ANXA3: variants seen among roughly 807,000 people sequenced by gnomAD.
The protein encoded by ANXA3 is 35-alpha calcimedin.
In ANXA3, 46 loss-of-function variants were observed where a neutral mutation model predicts 48.8. That is an observed-to-expected ratio of 0.94 (90% CI 0.74 to 1.21). ANXA3 has a LOEUF of 1.21. ANXA3 is among the 50% of genes most tolerant of loss of function. The pLI, the probability that ANXA3 is intolerant of heterozygous loss-of-function variation, is 0.00. For synonymous variants in ANXA3, 128 were observed against 134.7 expected, an observed-to-expected ratio of 0.95 and a Z score of 0.35; for missense variants, 383 against 378.6, an observed-to-expected ratio of 1.01 and a Z score of -0.10.
chr4:78,603,083 C>T (rs1723577263), intron 11 of ANXA3: 1 of 152,326 alleles, frequency 6.6e-6, no homozygotes, highest in Admixed American at 6.5e-5. Context: ...TTCAGTCACT[C>T]TCCATGCCAT....
intron 2 of ANXA3, among the ~76,000 whole-genome samples, chr4:78,564,206 C>T (rs1722683018): frequency 6.6e-6 from 1 of 152,188 alleles, no homozygotes; most frequent in African/African-American, 2.4e-5. Context: ...CAGAGAAACC[C>T]TGAGCGCTTG....
Position 78,600,748 on chromosome 4 carries a change from C to T in ANXA3, c.731-762C>T, listed in dbSNP as rs77460612. ...CATTCACTTTTGGTTGGATTCCTACCTAGAGATCAGATTTAAGATTATAAA... is the reference window on the plus strand; with the variant it reads ...CATTCACTTTTGGTTGGATTCCTACTTAGAGATCAGATTTAAGATTATAAA... On this transcript the variant is annotated intron_variant, in intron 10 of 12. Coordinates refer to ENST00000264908, the MANE Select transcript of ANXA3 (RefSeq NM_005139.3). Among the ~76,000 whole-genome samples, 3 of 152,200 alleles carry T rather than the reference C, an allele frequency of 2.0e-5. No homozygotes were observed. The East Asian group carries it at 5.8e-4, about 29-fold the overall frequency.
In ANXA3 at chr4:78,610,325, A is replaced by G. The variant is rs1723733841; in HGVS notation, c.*210A>G. ...GTAGCAGCTCATAAATGAAATTGAAAATGGTATTAAAGATCTGCAACTACT... is the reference window on the plus strand; with the variant it reads ...GTAGCAGCTCATAAATGAAATTGAAGATGGTATTAAAGATCTGCAACTACT... On this transcript the variant is annotated 3_prime_UTR_variant, in exon 13 of 13. Transcript: ENST00000264908. The G allele has an allele frequency of 5.3e-6, 2 of 376,590 alleles. No individual in the cohort carries two copies. Among genetic ancestry groups the G allele is most frequent in the Non-Finnish European group, 9.5e-6 (2 of 209,970 alleles). The allele number at this position is 376,590 out of a possible 1,614,324, so 23.3% of individuals were successfully genotyped here.
intron 5 of ANXA3, among the ~76,000 whole-genome samples, chr4:78,584,784 T>A (rs6813286): frequency 0.046 from 7,051 of 152,296 alleles, 499 homozygotes; most frequent in African/African-American, 0.15. Flanking sequence ...GAGATTTATT[T>A]TGAGAAACAC....
intron 2 of ANXA3, 179 bp from the exon 3 acceptor site, chr4:78,573,001 A>G (rs1722870309): frequency 1.4e-6 from 1 of 718,356 alleles, no homozygotes; most frequent in Admixed American, 1.8e-5. Flanking sequence ...CAACCATGTC[A>G]GATTTCTCTT....
intron 11 of ANXA3, chr4:78,602,257 AAG>A (rs1553901573): frequency 2.6e-5 from 4 of 151,718 alleles, no homozygotes; most frequent in African/African-American, 9.7e-5. Flanking sequence ...AAAAAAAAAA[AAG>A]AAAATGAGAA....
chr4:78,553,625 G>C (rs918998070), intron 1 of ANXA3, among the ~76,000 whole-genome samples: 6 of 152,226 alleles, frequency 3.9e-5, no homozygotes, highest in Admixed American at 2.6e-4. Context: ...GAGAGATGCA[G>C]TATTAGACTC....
At chr4:78,561,042 T>C (rs113103836) in intron 2 of ANXA3, among the ~76,000 whole-genome samples, 1 of 152,218 alleles carries the variant, frequency 6.6e-6, no homozygotes, top group South Asian at 2.1e-4. Flanking sequence ...GTGGGAAAAA[T>C]AGGAAAATGA....
At position 78,610,184 on chromosome 4, in the gene ANXA3, C is replaced by T. The variant is rs1723730354; in HGVS notation, c.*69C>T. 7 of 1,140,864 alleles carry T rather than the reference C, an allele frequency of 6.1e-6. No individual in the cohort carries two copies. The highest frequency in any genetic ancestry group is 7.7e-6 in the Non-Finnish European group (6 of 777,300). The allele number at this position is 1,140,864 out of a possible 1,614,324, so 70.7% of individuals were successfully genotyped here. ...CAGCTCCACCTTACTTCTTCTCATA[C>T]TATTTAAGAGAACAAGCAAATATAA... is the stretch of plus-strand genomic sequence containing the variant. On this transcript the variant is annotated 3_prime_UTR_variant, in exon 13 of 13. Transcript: ENST00000264908.
intron 2 of ANXA3, among the ~76,000 whole-genome samples, chr4:78,569,481 T>C (rs1722797089): frequency 6.6e-6 from 1 of 152,244 alleles, no homozygotes; most frequent in Non-Finnish European, 1.5e-5. Context: ...AGCTCATCAT[T>C]AAATTCTTCA....
intron 2 of ANXA3, among the ~76,000 whole-genome samples, chr4:78,566,636 G>A (rs950346743): frequency 1.2e-4 from 17 of 143,458 alleles, no homozygotes; most frequent in African/African-American, 3.8e-4. Context: ...TATAGAGAAC[G>A]GAATAATAGA....
chr4:78,595,979 A>C lies in ANXA3; in HGVS notation c.634+92A>C, dbSNP rs1261116354. 3 of 825,836 alleles carry C rather than the reference A, an allele frequency of 3.6e-6. No homozygotes were observed. The African/African-American group carries it at 5.2e-5, about 14-fold the overall frequency. 51.2% of individuals were successfully genotyped at this position (825,836 alleles called of 1,614,324 possible). On this transcript the variant is annotated intron_variant, in intron 9 of 12. Transcript: ENST00000264908. ...ACAAAGATCTAGAAAAACGAAGTTTAAAATTGCGAAGTCTGTTCCAGTTAT... is the reference window on the plus strand; with the variant it reads ...ACAAAGATCTAGAAAAACGAAGTTTCAAATTGCGAAGTCTGTTCCAGTTAT...
chr4:78,588,061 A>C (rs990238835), intron 6 of ANXA3, among the ~76,000 whole-genome samples: 1 of 152,140 alleles, frequency 6.6e-6, no homozygotes, highest in Non-Finnish European at 1.5e-5. Flanking sequence ...GTGCCACTGC[A>C]CTCCAGCCTG....
chr4:78,603,065 G>C (rs747492365), intron 11 of ANXA3: 7 of 152,210 alleles, frequency 4.6e-5, no homozygotes, highest in Non-Finnish European at 1.0e-4. Flanking sequence ...CAGGCCAATT[G>C]GTTCCCTTTC....
chr4:78,604,101 A>T, intron 11 of ANXA3, 176 bp from the exon 12 acceptor site: 1 of 541,590 alleles, frequency 1.8e-6, no homozygotes. Context: ...GCTGTCACAG[A>T]GTAGGTGCTC....
intron 5 of ANXA3, among the ~76,000 whole-genome samples, chr4:78,585,613 G>C (rs539884061): frequency 2.6e-5 from 4 of 152,352 alleles, no homozygotes; most frequent in African/African-American, 9.6e-5. Context: ...AAGCAAGAAA[G>C]ACAAAAGAGA....
chr4:78,561,858 T>C (rs1358887175), intron 2 of ANXA3, among the ~76,000 whole-genome samples: 3 of 152,214 alleles, frequency 2.0e-5, no homozygotes, highest in Admixed American at 1.3e-4. Context: ...AGAAAGTTGA[T>C]TTAAAACAGG....
intron 12 of ANXA3, among the ~76,000 whole-genome samples, chr4:78,605,009 T>A (rs1021527094): frequency 1.3e-4 from 20 of 152,356 alleles, no homozygotes; most frequent in Non-Finnish European, 2.2e-4. Flanking sequence ...CAGATATAAA[T>A]GCATTTTAAA....
chr4:78,590,623 G>A (rs1289065027), intron 6 of ANXA3, among the ~76,000 whole-genome samples: 2 of 152,058 alleles, frequency 1.3e-5, no homozygotes, highest in Non-Finnish European at 2.9e-5. Flanking sequence ...AGACTGATGG[G>A]CACTGCACAT....
Sources: allele counts gnomAD v4.1 joint callset (sites outside exome capture counted in the v4.1 genomes callset), GRCh38; gene constraint gnomAD v4.1.1; transcripts MANE v1.5; gene names NCBI Gene and HGNC (gene_info 2026-07-23, HGNC 2026-07-21).